Variants in PIKFYVE observed in about 807,000 individuals in gnomAD.
The protein encoded by PIKFYVE is phosphoinositide kinase, FYVE-type zinc finger containing.
PIKFYVE carries 122 observed loss-of-function variants against 257.9 expected under a neutral mutation model. That is an observed-to-expected ratio of 0.47 (90% CI 0.41 to 0.55). The LOEUF (loss-of-function observed/expected upper bound fraction) is 0.55. PIKFYVE is among the 20% of genes least tolerant of loss of function. PIKFYVE has a pLI of 0.00. For synonymous variants in PIKFYVE, 892 were observed against 868.9 expected, an observed-to-expected ratio of 1.03 and a Z score of -0.47; for missense variants, 2,160 against 2,536.6, an observed-to-expected ratio of 0.85 and a Z score of 3.19.
chr2:208,273,318 C>G (rs1375354833), intron 2 of PIKFYVE, among the ~76,000 whole-genome samples: 2 of 152,100 alleles, frequency 1.3e-5, no homozygotes, highest in Admixed American at 1.3e-4. Context: ...AAAATCTAGG[C>G]TGGGCACAGT....
At position 208,355,573 on chromosome 2, in the gene PIKFYVE, A is replaced by C. The variant is rs190941223; in HGVS notation, c.*268A>C. ...AAATACAGACATGTTTCAAAGGGCT[A>C]AAGTTGGAGATGAGTAGATAGGGTG... On this transcript the variant is annotated 3_prime_UTR_variant, in exon 42 of 42. Transcript: ENST00000264380. 42 of 380,490 alleles carry C rather than the reference A, an allele frequency of 1.1e-4. No individual in the cohort carries two copies. The Admixed American group carries it at 1.7e-3, about 16-fold the overall frequency. The allele number at this position is 380,490 out of a possible 1,614,324, so 23.6% of individuals were successfully genotyped here.
At position 208,277,542 on chromosome 2, in the gene PIKFYVE, T is replaced by C; in HGVS notation, c.447T>C (p.Ser149=). The part of the protein sequence containing the change: ...KEIMEGKSQD[S]DLKQYWMPDS... The stretch of plus-strand genomic sequence containing the variant: ...ACACATTTTTATTGTTATAGGATAG[T>C]GACCTGAAACAATACTGGATGCCAG... The change falls in exon 5 of 42, where the codon AGT becomes AGC. Residue 149 remains serine, a synonymous_variant. Coordinates refer to ENST00000264380, the MANE Select transcript of PIKFYVE (RefSeq NM_015040.4). 2 of 1,613,730 alleles carry C rather than the reference T, an allele frequency of 1.2e-6. No homozygotes were observed. Among genetic ancestry groups the C allele is most frequent in the Non-Finnish European group, 1.7e-6 (2 of 1,179,634 alleles).
intron 41 of PIKFYVE, 59 bp downstream of exon 41, chr2:208,354,704 A>G: frequency 7.6e-7 from 1 of 1,320,712 alleles, no homozygotes; most frequent in Non-Finnish European, 1.1e-6. Flanking sequence ...TTAAAATTTT[A>G]AAAGTGGATA....
At chr2:208,301,216 G>T in intron 9 of PIKFYVE, 122 bp downstream of exon 9, 1 of 1,261,502 alleles carries the variant, frequency 7.9e-7, no homozygotes. Flanking sequence ...TTATGTAATT[G>T]ATGGTTTAGG....
Position 208,339,399 on chromosome 2 carries a change from A to C in PIKFYVE, c.4673-19A>C. On this transcript the variant is annotated intron_variant, in intron 29 of 41. Coordinates refer to ENST00000264380, the MANE Select transcript of PIKFYVE (RefSeq NM_015040.4). ...TTAATGTATGTAAATGACTCATTTA[A>C]GATTGTGTTTTTCTTTAGAGGATCG... The C allele has an allele frequency of 6.2e-7, 1 of 1,613,542 alleles. No individual in the cohort carries two copies. The highest frequency in any genetic ancestry group is 8.5e-7 in the Non-Finnish European group (1 of 1,179,456).
At chr2:208,312,985 A>C (rs1482130685) in intron 13 of PIKFYVE, among the ~76,000 whole-genome samples, 1 of 152,192 alleles carries the variant, frequency 6.6e-6, no homozygotes, top group Non-Finnish European at 1.5e-5. Flanking sequence ...GTGCTTCTAA[A>C]TTCATCTCCA....
chr2:208,337,026 A>AATG, intron 28 of PIKFYVE, 98 bp downstream of exon 28: 1 of 878,338 alleles, frequency 1.1e-6, no homozygotes, highest in Non-Finnish European at 1.8e-6. Flanking sequence ...GTACTTTAGT[A>AATG]ATGATATCCA....
intron 23 of PIKFYVE, among the ~76,000 whole-genome samples, chr2:208,331,123 A>G (rs1697493293): frequency 6.6e-6 from 1 of 152,178 alleles, no homozygotes; most frequent in African/African-American, 2.4e-5. Context: ...TATTTGTATA[A>G]TAAATTCGAG....
chr2:208,307,397 A>T (rs558708519), intron 12 of PIKFYVE, among the ~76,000 whole-genome samples: 1 of 152,290 alleles, frequency 6.6e-6, no homozygotes, highest in African/African-American at 2.4e-5. Flanking sequence ...GAAGTTCAGG[A>T]TATTGAAGAG....
At chr2:208,308,581 C>T (rs1457689174) in intron 12 of PIKFYVE, among the ~76,000 whole-genome samples, 1 of 152,110 alleles carries the variant, frequency 6.6e-6, no homozygotes, top group African/African-American at 2.4e-5. Context: ...ACTAGCATCT[C>T]CCCATTCCCT....
chr2:208,303,095 A>G (rs1559086931), intron 10 of PIKFYVE, among the ~76,000 whole-genome samples: 1 of 152,118 alleles, frequency 6.6e-6, no homozygotes, highest in African/African-American at 2.4e-5. Flanking sequence ...ACAAACACAA[A>G]CAAACGAAAA....
intron 21 of PIKFYVE, 39 bp downstream of exon 21, chr2:208,328,319 C>T: frequency 6.2e-7 from 1 of 1,611,224 alleles, no homozygotes; most frequent in South Asian, 1.1e-5. Flanking sequence ...CACATAAGAA[C>T]AGAATTCCAG....
intron 34 of PIKFYVE, among the ~76,000 whole-genome samples, chr2:208,347,221 T>C (rs1699315431): frequency 6.6e-6 from 1 of 152,206 alleles, no homozygotes; most frequent in South Asian, 2.1e-4. Flanking sequence ...TCTGTGAGTT[T>C]TGTAAATGGT....
chr2:208,339,273 A>G (rs1398939003), intron 29 of PIKFYVE, 145 bp from the exon 30 acceptor site: 11 of 854,732 alleles, frequency 1.3e-5, no homozygotes, highest in African/African-American at 3.4e-5. Context: ...TTTCTATGAC[A>G]TGAGCTATAT....
chr2:208,291,117 T>C (rs1692254230), intron 7 of PIKFYVE, among the ~76,000 whole-genome samples: 1 of 152,168 alleles, frequency 6.6e-6, no homozygotes, highest in Admixed American at 6.5e-5. Context: ...CCATTAAGTA[T>C]GATGTTAGCT....
At chr2:208,311,874 A>G (rs1384059980) in intron 12 of PIKFYVE, among the ~76,000 whole-genome samples, 1 of 152,244 alleles carries the variant, frequency 6.6e-6, no homozygotes, top group Admixed American at 6.5e-5. Context: ...ATCAAGTTAC[A>G]TGTGAAAAGA....
chr2:208,350,936 A>G lies in PIKFYVE; in HGVS notation c.5600A>G (p.Tyr1867Cys), dbSNP rs1341164540. The G allele has an allele frequency of 1.2e-6, 2 of 1,614,146 alleles. No individual in the cohort carries two copies. Among genetic ancestry groups the G allele is most frequent in the Non-Finnish European group, 1.7e-6 (2 of 1,180,026 alleles). ...GGAGGCAAATCAGGAGCTGCCTTCT[A>G]TGCAACTGAGGGTGAGCCTTTCTCA... ...ARGGKSGAAF[Y>C]ATEDDRFILK... The change falls in exon 37 of 42, where the codon TAT (tyrosine) becomes TGT (cysteine). Residue 1867 changes from tyrosine (Y) to cysteine (C), a missense_variant. By Grantham distance (194) the Tyr-to-Cys change is radical (BLOSUM62 -2). Around this residue, in one of 12 missense-constraint regions of PIKFYVE, gnomAD observed 699 missense variants for 855.8 expected, o/e 0.82. Coordinates refer to ENST00000264380, the MANE Select transcript of PIKFYVE (RefSeq NM_015040.4).
intron 22 of PIKFYVE, 103 bp downstream of exon 22, chr2:208,330,016 A>T: frequency 6.8e-7 from 1 of 1,476,290 alleles, no homozygotes. Flanking sequence ...CTGTTACATG[A>T]TCCTCACTTT....
intron 6 of PIKFYVE, 43 bp downstream of exon 6, chr2:208,285,976 T>A (rs775104426): frequency 6.4e-7 from 1 of 1,568,516 alleles, no homozygotes; most frequent in Non-Finnish European, 8.8e-7. Flanking sequence ...TTGAAAAATA[T>A]CGATAGTTGT....
Sources: allele counts gnomAD v4.1 joint callset (sites outside exome capture counted in the v4.1 genomes callset), GRCh38; gene constraint gnomAD v4.1.1; regional missense constraint gnomAD v4.1.1; transcripts MANE v1.5; gene names NCBI Gene and HGNC (gene_info 2026-07-23, HGNC 2026-07-21).